Variants in EIF1AX observed in about 807,000 individuals in gnomAD.
EIF1AX encodes eukaryotic translation initiation factor 1A X-linked.
Under a neutral mutation model 16.1 loss-of-function variants are expected in EIF1AX, and 1 was observed. That is an observed-to-expected ratio of 0.06 (90% CI 0.02 to 0.30). The LOEUF (loss-of-function observed/expected upper bound fraction) is 0.30, where lower values mean the gene tolerates loss of function less well. Among genes scored for constraint, EIF1AX ranks in the 10% least tolerant of loss-of-function variants. EIF1AX has a pLI of 1.00. For missense variants in EIF1AX, 11 were observed against 109.1 expected, an observed-to-expected ratio of 0.10 and a Z score of 4.00; for synonymous variants, 32 against 37.3, an observed-to-expected ratio of 0.86 and a Z score of 0.51.
chrX:20,137,182 C>G (rs767904532), intron 2 of EIF1AX, among the ~76,000 whole-genome samples: 3 of 112,037 alleles, frequency 2.7e-5, no homozygotes, highest in South Asian at 7.4e-4. Context: ...CGGTGGCTCA[C>G]GCCTGTAATC....
chrX:20,136,231 GCACACACACACACACCCCCCA>G (rs1332556718), intron 2 of EIF1AX: 1 of 330,138 alleles, frequency 3.0e-6, no homozygotes, highest in Non-Finnish European at 5.9e-6. Flanking sequence ...ACGTGTGCGT[GCACACACACACACACCCCCCA>G]CACACACACC....
intron 6 of EIF1AX, among the ~76,000 whole-genome samples, chrX:20,128,594 AGCATGATATGATT>A (rs2066992036): frequency 8.9e-6 from 1 of 112,209 alleles, no homozygotes; most frequent in Admixed American, 9.5e-5. Context: ...AGACACAGGA[AGCATGATATGATT>A]GATCCCGTTC....
rs190578728 is a variant in EIF1AX at position 20,128,122 on chromosome X, C to T, written c.*184G>A. On this transcript the variant is annotated 3_prime_UTR_variant, in exon 7 of 7. Transcript: ENST00000379607. ...TAAAAGAACAAAGTGGGCTTAACAT[C>T]TCACTTAAGATAATTCAGCATTATT... The T allele has an allele frequency of 5.6e-4, 190 of 338,998 alleles. No individual in the cohort carries two copies. The highest frequency in any genetic ancestry group is 8.8e-4 in the Non-Finnish European group (171 of 195,060). 27.9% of individuals were successfully genotyped at this position (338,998 alleles called of 1,213,427 possible).
chrX:20,135,100 CTTTT>C (rs755530368), intron 3 of EIF1AX, among the ~76,000 whole-genome samples: 12 of 88,229 alleles, frequency 1.4e-4, no homozygotes, highest in African/African-American at 1.7e-4. Context: ...AGTACCCCAG[CTTTT>C]TTTTTTTTTT....
chrX:20,134,027 G>T lies in EIF1AX; in HGVS notation c.205-20C>A. On this transcript the variant is annotated intron_variant, in intron 3 of 6. Transcript: ENST00000379607. ...CCAAACCTACAAAAGAAAAGTCACT[G>T]CCCGTCACATTTAAAATAACGAAGA... is the stretch of plus-strand genomic sequence containing the variant. 8.5e-7 allele frequency: 1 copy of T among 1,180,645 alleles called. No individual in the cohort carries two copies.
At chrX:20,131,011 T>C (rs1048004245) in intron 5 of EIF1AX, among the ~76,000 whole-genome samples, 13 of 112,298 alleles carry the variant, frequency 1.2e-4, no homozygotes, top group Non-Finnish European at 2.3e-4. Flanking sequence ...CCTATTCCTA[T>C]ATACATTAAC....
At position 20,125,309 on chromosome X, in the gene EIF1AX, TGA is replaced by T; in HGVS notation, c.*2995_*2996del. On this transcript the variant is annotated 3_prime_UTR_variant, in exon 7 of 7. Coordinates refer to ENST00000379607, the MANE Select transcript of EIF1AX (RefSeq NM_001412.4). ...CAAATTGCTCAGTTCATTCTATACC[TGA>T]GAGTCTTGTGTCTTTTCACATTTTG... 1 of 169,942 alleles carries T rather than the reference TGA, an allele frequency of 5.9e-6. No homozygotes were observed. The highest frequency in any genetic ancestry group is 1.1e-5 in the Non-Finnish European group (1 of 88,015). The allele number at this position is 169,942 out of a possible 1,213,427, so 14.0% of individuals were successfully genotyped here. A position where few individuals can be genotyped will look rare whatever the true frequency, so the allele number is the denominator to read the frequency against.
intron 4 of EIF1AX, among the ~76,000 whole-genome samples, chrX:20,133,413 GAA>G (rs1404272369): frequency 9.0e-6 from 1 of 110,911 alleles, no homozygotes; most frequent in Non-Finnish European, 1.9e-5. Context: ...GTGACAACCA[GAA>G]AAGTCTCCAG....
rs1485856393 is a variant in EIF1AX at position 20,124,837 on chromosome X, T to C, written c.*3469A>G. On this transcript the variant is annotated 3_prime_UTR_variant, in exon 7 of 7. Transcript: ENST00000379607. ...AGTTTGGTAGCAATTTCAAATACTA[T>C]GTTGACATGAATGTACAAATATACA... 1.4e-5 allele frequency: 2 copies of C among 146,367 alleles called. No individual in the cohort carries two copies. The highest frequency in any genetic ancestry group is 1.1e-4 in the East Asian group (1 of 9,238). The allele number at this position is 146,367 out of a possible 1,213,427, so 12.1% of individuals were successfully genotyped here.
chrX:20,140,770 A>G (rs1224023351), intron 1 of EIF1AX, among the ~76,000 whole-genome samples: 1 of 112,070 alleles, frequency 8.9e-6, no homozygotes, highest in African/African-American at 3.2e-5. Context: ...ATTTTCTTCA[A>G]GTTATACGGC....
intron 1 of EIF1AX, among the ~76,000 whole-genome samples, chrX:20,139,077 C>T (rs999016151): frequency 1.1e-4 from 12 of 111,505 alleles, no homozygotes; most frequent in African/African-American, 3.6e-4. Flanking sequence ...CTTTTGGTAG[C>T]AGAGTACCAT....
At chrX:20,137,253 G>A (rs1158736351) in intron 2 of EIF1AX, among the ~76,000 whole-genome samples, 1 of 110,687 alleles carries the variant, frequency 9.0e-6, no homozygotes, top group African/African-American at 3.3e-5. Context: ...GACCCATCCT[G>A]GCTAACACAG....
At chrX:20,138,216 G>A (rs2067023703) in intron 2 of EIF1AX, among the ~76,000 whole-genome samples, 1 of 108,837 alleles carries the variant, frequency 9.2e-6, no homozygotes, top group South Asian at 4.0e-4. Flanking sequence ...TGTTGGTCAG[G>A]CTGGTCTCGA....
intron 1 of EIF1AX, among the ~76,000 whole-genome samples, chrX:20,140,625 A>G (rs923576094): frequency 8.9e-6 from 1 of 111,857 alleles, no homozygotes; most frequent in African/African-American, 3.3e-5. Flanking sequence ...TCAAGTAGAA[A>G]AGAGAGCAGA....
At chrX:20,139,178 A>C (rs751749983) in intron 1 of EIF1AX, among the ~76,000 whole-genome samples, 1 of 112,039 alleles carries the variant, frequency 8.9e-6, no homozygotes, top group South Asian at 3.7e-4. Flanking sequence ...GAGCAAGCCC[A>C]GGAGGTTCCA....
chrX:20,136,402 G>T, intron 2 of EIF1AX: 1 of 287,336 alleles, frequency 3.5e-6, no homozygotes, highest in Non-Finnish European at 6.8e-6. Context: ...AGTAAAAGCA[G>T]ATCTCAGAGA....
intron 3 of EIF1AX, among the ~76,000 whole-genome samples, 178 bp from the exon 4 acceptor site, chrX:20,134,185 G>C (rs1278099605): frequency 9.1e-6 from 1 of 110,131 alleles, no homozygotes; most frequent in East Asian, 2.9e-4. Context: ...TCAGGAGTTC[G>C]AGACCATCCT....
In EIF1AX at chrX:20,137,240, C is replaced by T. The variant is rs370501921; in HGVS notation, c.100+1299G>A. Among the ~76,000 whole-genome samples the T allele has an allele frequency of 8.1e-5, 9 of 110,653 alleles. No individual in the cohort carries two copies. In the South Asian group the frequency reaches 1.9e-3, roughly 23 times the overall value. ...CGGGTGGATCACGAGGTTAGGAGAT[C>T]GAGACCCATCCTGGCTAACACAGTG... On this transcript the variant is annotated intron_variant, in intron 2 of 6. Coordinates refer to ENST00000379607, the MANE Select transcript of EIF1AX (RefSeq NM_001412.4).
Position 20,132,164 on chromosome X carries a change from C to T in EIF1AX, c.337+18G>A. 8.6e-7 allele frequency: 1 copy of T among 1,159,114 alleles called. No individual in the cohort carries two copies. Among genetic ancestry groups the T allele is most frequent in the East Asian group, 3.0e-5 (1 of 33,542 alleles). ...CTAAATACCATATGACAAGTTAATACAGTAACTCAGACATTACCATGCTCT... is the reference window on the plus strand; with the variant it reads ...CTAAATACCATATGACAAGTTAATATAGTAACTCAGACATTACCATGCTCT... On this transcript the variant is annotated intron_variant, in intron 5 of 6. Coordinates refer to ENST00000379607, the MANE Select transcript of EIF1AX (RefSeq NM_001412.4).
Sources: gnomAD v4.1 joint callset for allele counts (sites outside exome capture counted in the v4.1 genomes callset) on GRCh38, gnomAD v4.1.1 for gene constraint, MANE v1.5 for transcripts, NCBI Gene and HGNC (gene_info 2026-07-23, HGNC 2026-07-21) for gene names.